Variants in ITGB1 observed in about 807,000 individuals in gnomAD.
ITGB1 encodes integrin beta-1.
ITGB1 carries 24 observed loss-of-function variants against 86.5 expected under a neutral mutation model. That is an observed-to-expected ratio of 0.28 (90% confidence interval 0.20 to 0.39). The LOEUF is 0.39. Ranked by LOEUF, ITGB1 falls within the 10% of genes least tolerant of loss-of-function variation. The probability of loss-of-function intolerance (pLI) is 1.00; values close to 1 mark genes in which losing one functional copy is unlikely to be tolerated. For synonymous variants in ITGB1, 323 were observed against 316.8 expected (o/e 1.02, Z -0.21); for missense variants, 556 against 946.9 (o/e 0.59, Z 5.42).
chr10:32,941,445 TGAA>T (rs1381498966), intron 1 of ITGB1, among the ~76,000 whole-genome samples: 2 of 152,224 alleles, frequency 1.3e-5, no homozygotes, highest in Non-Finnish European at 2.9e-5. Flanking sequence ...AAAGGAATCT[TGAA>T]GTATTTCTGA....
chr10:32,917,518 A>G (rs1200352662), intron 11 of ITGB1, among the ~76,000 whole-genome samples: 1 of 152,228 alleles, frequency 6.6e-6, no homozygotes, highest in East Asian at 1.9e-4. Flanking sequence ...CAACCCCACC[A>G]AAAAGTGGGA....
chr10:32,917,615 G>A (rs2094936044), intron 11 of ITGB1, among the ~76,000 whole-genome samples: 1 of 152,192 alleles, frequency 6.6e-6, no homozygotes, highest in Admixed American at 6.5e-5. Context: ...CTGGCCATCA[G>A]AGAAATGCAA....
chr10:32,947,551 T>C (rs1394511695), intron 1 of ITGB1, among the ~76,000 whole-genome samples: 1 of 152,084 alleles, frequency 6.6e-6, no homozygotes, highest in East Asian at 1.9e-4. Context: ...GTAGCTCTTA[T>C]ACATCTACTA....
At chr10:32,957,920 G>C (rs1330121618) in intron 1 of ITGB1, 3 of 151,916 alleles carry the variant, frequency 2.0e-5, no homozygotes, top group Non-Finnish European at 2.9e-5. Context: ...CCAGCGCCGG[G>C]GACCCGAGGC....
At position 32,911,962 on chromosome 10, in the gene ITGB1, T is replaced by G. The variant is rs200319582; in HGVS notation, c.1632A>C (p.Thr544=). The G allele has an allele frequency of 4.3e-6, 7 of 1,614,184 alleles. No homozygotes were observed. Among genetic ancestry groups the G allele is most frequent in the Non-Finnish European group, 5.9e-6 (7 of 1,180,040 alleles). ...AGAATTTGCCAGAATAAATTTCATT[T>G]GTATTATCCCTCTTCCTACAAACAC... The part of the protein sequence containing the change: ...GQCVCRKRDN[T]NEIYSGKFCE... Residue 544 remains threonine (T), a synonymous_variant, in exon 12 of 16, where the codon ACA becomes ACC. Transcript: ENST00000302278.
At position 32,910,213 on chromosome 10, in the gene ITGB1, G is replaced by A. The variant is rs377104007; in HGVS notation, c.2164+10C>T. ...TATGAAAAGAATGTCTGCAATCATC[G>A]CATTTCTACCTGGATTCTCCACAAC... On this transcript the variant is annotated intron_variant, in intron 14 of 15. Transcript: ENST00000302278. 127 of 1,577,944 alleles carry A rather than the reference G, an allele frequency of 8.0e-5. No individual in the cohort carries two copies. In the African/African-American group the frequency reaches 1.3e-3, roughly 16 times the overall value.
intron 1 of ITGB1, chr10:32,944,480 T>C: frequency 2.7e-6 from 1 of 377,176 alleles, no homozygotes; most frequent in Non-Finnish European, 5.1e-6. Flanking sequence ...CCAAACACTG[T>C]GAAGCACCTC....
At chr10:32,937,297 G>A (rs1360187360) in intron 1 of ITGB1, among the ~76,000 whole-genome samples, 1 of 152,182 alleles carries the variant, frequency 6.6e-6, no homozygotes, top group African/African-American at 2.4e-5. Flanking sequence ...AGTGGCTCAC[G>A]CCTGTAATCC....
chr10:32,920,066 T>C lies in ITGB1; in HGVS notation c.1288A>G (p.Ile430Val), dbSNP rs775874993. The C allele has an allele frequency of 1.4e-5, 22 of 1,613,302 alleles. No homozygotes were observed. Among genetic ancestry groups the C allele is most frequent in the South Asian group, 5.5e-5 (5 of 91,046 alleles). ...IGDEVQFEIS[I>V]TSNKCPKKDS... Reference sequence around the variant, plus strand: ...TTTTTTGGACACTTATTTGAAGTTATGCTAATTTCAAATTGAACCTTGAAG... The same window carrying C: ...TTTTTTGGACACTTATTTGAAGTTACGCTAATTTCAAATTGAACCTTGAAG... The change falls in exon 11 of 16, where the codon ATA (isoleucine) becomes GTA (valine). Residue 430 changes from isoleucine to valine, a missense_variant. Around this residue, in one of 4 missense-constraint regions of ITGB1, gnomAD observed 330 missense variants for 531.5 expected, o/e 0.62. Coordinates refer to ENST00000302278, the MANE Select transcript of ITGB1 (RefSeq NM_002211.4).
At chr10:32,909,985 T>C (rs576956103) in intron 14 of ITGB1, among the ~76,000 whole-genome samples, 18 of 152,316 alleles carry the variant, frequency 1.2e-4, no homozygotes, top group Non-Finnish European at 1.5e-4. Context: ...AAGCGTCTTA[T>C]ATAAATCACT....
In ITGB1 at chr10:32,935,362, AG is replaced by A. The variant is rs1271487274; in HGVS notation, c.67+129del. ...GGAACTTGACCTTTCTCTGAGTAAG[AG>A]GAACAATTGCAGGGCTTCCAGAAGG... On this transcript the variant is annotated intron_variant, in intron 2 of 15. Coordinates refer to ENST00000302278, the MANE Select transcript of ITGB1 (RefSeq NM_002211.4). 6.5e-6 allele frequency: 4 copies of A among 614,238 alleles called. No homozygotes were observed. In the Admixed American group the frequency reaches 1.1e-4, roughly 16 times the overall value. 38.0% of individuals were successfully genotyped at this position (614,238 alleles called of 1,614,324 possible).
At position 32,925,743 on chromosome 10, in the gene ITGB1, T is replaced by C. The variant is rs1477626612; in HGVS notation, c.786+128A>G. 4 of 686,300 alleles carry C rather than the reference T, an allele frequency of 5.8e-6. No individual in the cohort carries two copies. In the Admixed American group the frequency reaches 7.2e-5, roughly 12 times the overall value. The allele number at this position is 686,300 out of a possible 1,614,324, so 42.5% of individuals were successfully genotyped here. A position where few individuals can be genotyped will look rare whatever the true frequency, so the allele number is the denominator to read the frequency against. The stretch of plus-strand genomic sequence containing the variant: ...AGGCAATTTAAGGGTTTACTTAAAA[T>C]TACTTCTCTAAGATAATCAAATCTA... On this transcript the variant is annotated intron_variant, in intron 6 of 15. Transcript: ENST00000302278.
chr10:32,952,117 T>C (rs1229992058), intron 1 of ITGB1, among the ~76,000 whole-genome samples: 1 of 152,132 alleles, frequency 6.6e-6, no homozygotes, highest in Non-Finnish European at 1.5e-5. Flanking sequence ...GAAAAAAAGT[T>C]TCTCATTTTA....
chr10:32,952,974 G>C (rs2095045467), intron 1 of ITGB1, among the ~76,000 whole-genome samples: 1 of 152,064 alleles, frequency 6.6e-6, no homozygotes, highest in African/African-American at 2.4e-5. Flanking sequence ...CAAGAACCCA[G>C]GCCTTCATTT....
intron 1 of ITGB1, among the ~76,000 whole-genome samples, chr10:32,945,373 T>C (rs1347643662): frequency 6.6e-6 from 1 of 152,058 alleles, no homozygotes; most frequent in East Asian, 1.9e-4. Flanking sequence ...GCCGAGATGG[T>C]GCATCACGAG....
intron 9 of ITGB1, among the ~76,000 whole-genome samples, chr10:32,921,157 C>T (rs1204707096): frequency 1.6e-5 from 2 of 123,936 alleles, no homozygotes; most frequent in African/African-American, 6.0e-5. Context: ...ACCATTGTAG[C>T]CCAGCCAAAA....
At chr10:32,954,443 C>A (rs112107597) in intron 1 of ITGB1, among the ~76,000 whole-genome samples, 52 of 152,232 alleles carry the variant, frequency 3.4e-4, no homozygotes, top group African/African-American at 1.2e-3. Context: ...ATCTGCAAAG[C>A]TTTCTGACCA....
At chr10:32,944,078 GAAA>G (rs1335101707) in intron 1 of ITGB1, among the ~76,000 whole-genome samples, 1 of 152,204 alleles carries the variant, frequency 6.6e-6, no homozygotes, top group Non-Finnish European at 1.5e-5. Context: ...AGCCGCAGGG[GAAA>G]AAGCAAAAGA....
At chr10:32,956,481 G>A (rs980289775) in intron 1 of ITGB1, among the ~76,000 whole-genome samples, 1 of 152,016 alleles carries the variant, frequency 6.6e-6, no homozygotes, top group Admixed American at 6.6e-5. Flanking sequence ...CTCGGTGAGA[G>A]AGGACAGCTT....
Sources: allele counts gnomAD v4.1 joint callset (sites outside exome capture counted in the v4.1 genomes callset), GRCh38; gene constraint gnomAD v4.1.1; regional missense constraint gnomAD v4.1.1; transcripts MANE v1.5; gene names NCBI Gene and HGNC (gene_info 2026-07-23, HGNC 2026-07-21).